The following RNF150 variants were observed in gnomAD, a reference collection of about 807,000 sequenced individuals.
The protein encoded by RNF150 is ring finger protein 150.
A neutral mutation model predicts 39.3 loss-of-function variants in RNF150; 24 were observed. That is an observed-to-expected ratio of 0.61 (90% CI 0.44 to 0.86). RNF150 has a LOEUF of 0.86. Ranked by LOEUF, RNF150 falls within the 40% of genes least tolerant of loss-of-function variation. RNF150 has a pLI of 0.00. For synonymous variants in RNF150, 255 were observed against 227.3 expected, an observed-to-expected ratio of 1.12 and a Z score of -1.10; for missense variants, 502 against 587.8, an observed-to-expected ratio of 0.85 and a Z score of 1.51.
Position 140,915,307 on chromosome 4 carries a change from C to T in RNF150, c.988-3953G>A, listed in dbSNP as rs576539307. Among the ~76,000 whole-genome samples, 5 of 152,256 alleles carry T rather than the reference C, an allele frequency of 3.3e-5. No homozygotes were observed. In the South Asian group the frequency reaches 8.3e-4, roughly 25 times the overall value. The stretch of plus-strand genomic sequence containing the variant: ...AAGCTGCATAAAAAGGGTTTCAGTT[C>T]GATATAGCAAGTATTTTCTAATTGA... On this transcript the variant is annotated intron_variant, in intron 5 of 6. Transcript: ENST00000515673.
In RNF150 at chr4:140,859,956, A is replaced by G. The variant is rs2111156653; in HGVS notation, c.*8305T>C. 6.6e-6 allele frequency: 1 copy of G among 152,266 alleles called. No individual in the cohort carries two copies. The highest frequency in any genetic ancestry group is 1.5e-5 in the Non-Finnish European group (1 of 68,008). The allele number at this position is 152,266 out of a possible 1,614,324, so 9.4% of individuals were successfully genotyped here. The stretch of plus-strand genomic sequence containing the variant: ...ACACGATTGCACTTATTTACATGAT[A>G]GTCTTCTATATAACAAAAATAACCA... On this transcript the variant is annotated 3_prime_UTR_variant, in exon 7 of 7. Coordinates refer to ENST00000515673, the MANE Select transcript of RNF150 (RefSeq NM_020724.2).
At chr4:141,034,811 G>T (rs1289864213) in intron 1 of RNF150, among the ~76,000 whole-genome samples, 2 of 152,024 alleles carry the variant, frequency 1.3e-5, no homozygotes, top group Admixed American at 1.3e-4. Context: ...TATATATAGG[G>T]CATGGTTTGC....
At chr4:141,106,131 C>A (rs1199040209) in intron 1 of RNF150, among the ~76,000 whole-genome samples, 1 of 152,214 alleles carries the variant, frequency 6.6e-6, no homozygotes, top group Non-Finnish European at 1.5e-5. Flanking sequence ...TAAAACATCA[C>A]CACATCTGCA....
At chr4:140,915,138 T>A (rs898308695) in intron 5 of RNF150, among the ~76,000 whole-genome samples, 1 of 152,198 alleles carries the variant, frequency 6.6e-6, no homozygotes, top group South Asian at 2.1e-4. Flanking sequence ...AGACATTTAT[T>A]GAGCCCTTAG....
chr4:141,190,738 T>C (rs1046841037), intron 1 of RNF150, among the ~76,000 whole-genome samples: 7 of 152,234 alleles, frequency 4.6e-5, no homozygotes, highest in Admixed American at 4.6e-4. Context: ...ATTCATACAT[T>C]TAACAAATAG....
chr4:141,034,622 T>A (rs369488090), intron 1 of RNF150, among the ~76,000 whole-genome samples: 3 of 152,220 alleles, frequency 2.0e-5, no homozygotes, highest in African/African-American at 7.2e-5. Flanking sequence ...GAGAGACATA[T>A]GACTTTTCCT....
In RNF150 at chr4:141,158,248, G is replaced by T. The variant is rs1056727406; in HGVS notation, c.-6+54546C>A. ...AGAGGTTACAGTGAGCAAAGATAGT[G>T]CCACTGCACTCCAGCCTGAGTGACA... On this transcript the variant is annotated intron_variant, in intron 1 of 7. Transcript: ENST00000420921. Among the ~76,000 whole-genome samples, 7 of 152,226 alleles carry T rather than the reference G, an allele frequency of 4.6e-5. No individual in the cohort carries two copies. In the South Asian group the frequency reaches 1.5e-3, roughly 32 times the overall value.
At chr4:140,893,568 C>T (rs1729834440) in intron 6 of RNF150, among the ~76,000 whole-genome samples, 1 of 152,154 alleles carries the variant, frequency 6.6e-6, no homozygotes, top group Admixed American at 6.6e-5. Context: ...CCAACTCCAC[C>T]TTATTAGGTA....
intron 1 of RNF150, among the ~76,000 whole-genome samples, chr4:141,181,553 T>C (rs536187511): frequency 1.3e-5 from 2 of 152,316 alleles, no homozygotes; most frequent in African/African-American, 4.8e-5. Context: ...CTTCTTTGAT[T>C]GGGCACGAGA....
chr4:141,186,026 C>T (rs2111194855), intron 1 of RNF150, among the ~76,000 whole-genome samples: 1 of 152,288 alleles, frequency 6.6e-6, no homozygotes, highest in East Asian at 1.9e-4. Flanking sequence ...ATTTTGATAT[C>T]AGGATGATGC....
At chr4:140,912,849 T>C (rs894414638) in intron 5 of RNF150, among the ~76,000 whole-genome samples, 2 of 152,026 alleles carry the variant, frequency 1.3e-5, no homozygotes, top group Non-Finnish European at 2.9e-5. Flanking sequence ...CTCATTGACA[T>C]TGGACACGAG....
chr4:141,068,551 T>G (rs535467697), intron 1 of RNF150, among the ~76,000 whole-genome samples: 130 of 152,138 alleles, frequency 8.5e-4, no homozygotes, highest in African/African-American at 3.0e-3. Context: ...GGCTCTTTTT[T>G]GGTTCCATAT....
At chr4:140,925,857 G>A in intron 5 of RNF150, 120 bp downstream of exon 5, 1 of 699,306 alleles carries the variant, frequency 1.4e-6, no homozygotes, top group Middle Eastern at 2.5e-4. Flanking sequence ...CTTGTAAGAT[G>A]ATGTGACTGC....
chr4:140,949,501 C>T (rs555386039), intron 2 of RNF150, 129 bp from the exon 3 acceptor site: 43 of 717,692 alleles, frequency 6.0e-5, no homozygotes, highest in Non-Finnish European at 7.8e-5. Flanking sequence ...CTAGCAATGA[C>T]GACTAGAAAA....
At chr4:140,899,166 C>T (rs757581933) in intron 6 of RNF150, among the ~76,000 whole-genome samples, 2 of 152,126 alleles carry the variant, frequency 1.3e-5, no homozygotes, top group Admixed American at 6.5e-5. Context: ...AGTACTGCTG[C>T]CCTGAAACTG....
chr4:141,018,917 T>C (rs974217716), intron 1 of RNF150, among the ~76,000 whole-genome samples: 1 of 151,832 alleles, frequency 6.6e-6, no homozygotes, highest in Non-Finnish European at 1.5e-5. Context: ...CACTGAAATA[T>C]TATACAGGTT....
At chr4:140,969,756 CTTTTTTTTTTT>C (rs70946718) in intron 1 of RNF150, among the ~76,000 whole-genome samples, 1 of 75,986 alleles carries the variant, frequency 1.3e-5, no homozygotes, top group African/African-American at 5.0e-5. Context: ...ACAAGTTTTA[CTTTTTTTTTTT>C]TTTTTTTTTT....
At chr4:140,879,459 T>C (rs1299508289) in intron 6 of RNF150, among the ~76,000 whole-genome samples, 2 of 152,254 alleles carry the variant, frequency 1.3e-5, no homozygotes, top group East Asian at 3.8e-4. Flanking sequence ...ATTAAGTTTA[T>C]TCCTAAGTAT....
intron 6 of RNF150, among the ~76,000 whole-genome samples, chr4:140,882,160 C>G (rs1729397939): frequency 6.6e-6 from 1 of 151,504 alleles, no homozygotes; most frequent in Non-Finnish European, 1.5e-5. Context: ...GCTGGGACTA[C>G]AGGCACCCGC....
Sources: gnomAD v4.1 joint callset for allele counts (sites outside exome capture counted in the v4.1 genomes callset) on GRCh38, gnomAD v4.1.1 for gene constraint, MANE v1.5 for transcripts, NCBI Gene and HGNC (gene_info 2026-07-23, HGNC 2026-07-21) for gene names.